Variants in CFAP54 observed in about 807,000 individuals in gnomAD.
The protein encoded by CFAP54 is cilia- and flagella-associated protein 54.
Under a neutral mutation model 370.4 loss-of-function variants are expected in CFAP54, and 290 were observed. The ratio of observed to expected loss-of-function variants is 0.78; its 90% CI spans 0.71 to 0.86. The LOEUF (loss-of-function observed/expected upper bound fraction) is 0.86, where lower values mean the gene tolerates loss of function less well. CFAP54 is among the 40% of genes least tolerant of loss of function. The pLI is 0.00. For missense variants in CFAP54, 3,399 were observed against 3,528.7 expected (o/e 0.96, Z 0.93); for synonymous variants, 1,206 against 1,236.5 (o/e 0.98, Z 0.52).
At chr12:96,704,309 C>T (rs1445404826) in intron 46 of CFAP54, among the ~76,000 whole-genome samples, 12 of 150,388 alleles carry the variant, frequency 8.0e-5, no homozygotes, top group African/African-American at 2.2e-4. Context: ...CACCTGTAGT[C>T]CCAGCTACTT....
chr12:96,519,198 A>G, intron 6 of CFAP54, 127 bp downstream of exon 6: 1 of 888,808 alleles, frequency 1.1e-6, no homozygotes, highest in Non-Finnish European at 1.6e-6. Flanking sequence ...TCCCAGGTTC[A>G]AGCGATTCTC....
chr12:96,505,208 C>A (rs371706130), intron 3 of CFAP54, among the ~76,000 whole-genome samples: 3 of 151,334 alleles, frequency 2.0e-5, no homozygotes, highest in Non-Finnish European at 4.4e-5. Flanking sequence ...GGATTACAGG[C>A]GCATACCACC....
chr12:96,640,661 C>T (rs1956716283), intron 32 of CFAP54, among the ~76,000 whole-genome samples: 1 of 152,180 alleles, frequency 6.6e-6, no homozygotes, highest in African/African-American at 2.4e-5. Context: ...CATCACTCTA[C>T]CTGACTTCAA....
intron 45 of CFAP54, among the ~76,000 whole-genome samples, chr12:96,697,178 G>A (rs1957446376): frequency 6.6e-6 from 1 of 152,100 alleles, no homozygotes. Context: ...TGCAGTGTTG[G>A]TCACCTCTGA....
intron 50 of CFAP54, among the ~76,000 whole-genome samples, chr12:96,733,388 T>TTATGTGTCAAGGAAATTGAAATGTG (rs1213807796): frequency 6.6e-6 from 1 of 152,168 alleles, no homozygotes; most frequent in African/African-American, 2.4e-5. Context: ...GAAAGGCACA[T>TTATGTGTCAAGGAAATTGAAATGTG]TCCCTAGGGT....
intron 56 of CFAP54, among the ~76,000 whole-genome samples, chr12:96,755,958 G>A (rs1052278919): frequency 6.6e-6 from 1 of 152,048 alleles, no homozygotes. Flanking sequence ...GAGCCACCAC[G>A]GCCAGCCATA....
At chr12:96,821,484 C>G (rs113515204) in intron 65 of CFAP54, among the ~76,000 whole-genome samples, 2 of 152,000 alleles carry the variant, frequency 1.3e-5, no homozygotes, top group Non-Finnish European at 2.9e-5. Context: ...TTGTTTTATT[C>G]TCCAACCTAG....
chr12:96,717,959 A>G (rs1957704163), intron 48 of CFAP54, among the ~76,000 whole-genome samples: 1 of 152,238 alleles, frequency 6.6e-6, no homozygotes, highest in African/African-American at 2.4e-5. Context: ...TATTTGATAC[A>G]GGAATATGTT....
rs1957573999 is a variant in CFAP54, at chr12:96,708,758, A to G, written c.6679A>G (p.Thr2227Ala). The G allele has an allele frequency of 4.3e-6, 7 of 1,610,540 alleles. No homozygotes were observed. The highest frequency in any genetic ancestry group is 5.1e-6 in the Non-Finnish European group (6 of 1,178,752). ...INCVPENKFK[T>A]VITNKSKPNL... ...TTGTGTCCCAGAAAATAAATTTAAG[A>G]CAGTAATTACCAACAAGAGCAAACC... The change falls in exon 48 of 68, where the codon ACA becomes GCA. Residue 2227 changes from threonine (T) to alanine (A), a missense_variant. Physicochemically the swap from Thr to Ala is moderately conservative, Grantham distance 58. Coordinates refer to ENST00000524981, the MANE Select transcript of CFAP54 (RefSeq NM_001306084.2).
At chr12:96,688,116 GA>G (rs1397648359) in intron 42 of CFAP54, among the ~76,000 whole-genome samples, 2 of 152,234 alleles carry the variant, frequency 1.3e-5, no homozygotes, top group East Asian at 3.9e-4. Flanking sequence ...TTAATGTAGT[GA>G]ACCTGACTGG....
chr12:96,572,903 T>A, intron 19 of CFAP54: 6 of 985,384 alleles, frequency 6.1e-6, no homozygotes, highest in Non-Finnish European at 7.2e-6. Context: ...TTTACCTCAG[T>A]TGGATTCATT....
At chr12:96,785,010 A>T in intron 61 of CFAP54, 120 bp downstream of exon 61, 1 of 813,216 alleles carries the variant, frequency 1.2e-6, no homozygotes, top group Non-Finnish European at 1.7e-6. Flanking sequence ...TCATCAGAAG[A>T]TGAAAATTTC....
chr12:96,670,491 A>G (rs948978780), intron 39 of CFAP54, among the ~76,000 whole-genome samples: 5 of 152,222 alleles, frequency 3.3e-5, no homozygotes, highest in Admixed American at 1.3e-4. Flanking sequence ...TTGACATTTC[A>G]TTGACCACAG....
At chr12:96,562,023 T>A (rs1236929084) in intron 17 of CFAP54, among the ~76,000 whole-genome samples, 1 of 151,958 alleles carries the variant, frequency 6.6e-6, no homozygotes, top group African/African-American at 2.4e-5. Context: ...TGACCTCAAG[T>A]GATCTGCCTG....
intron 39 of CFAP54, among the ~76,000 whole-genome samples, chr12:96,669,252 A>C (rs1357586424): frequency 6.6e-6 from 1 of 152,250 alleles, no homozygotes; most frequent in African/African-American, 2.4e-5. Context: ...ATAGAGATCT[A>C]GTTTTATCTG....
chr12:96,695,438 A>G (rs562122888), intron 45 of CFAP54, among the ~76,000 whole-genome samples: 4 of 152,328 alleles, frequency 2.6e-5, no homozygotes, highest in Non-Finnish European at 4.4e-5. Flanking sequence ...TAATAATTTT[A>G]ACCTGGGAAT....
chr12:96,859,428 T>G (rs1438540322), intron 66 of CFAP54, among the ~76,000 whole-genome samples: 1 of 152,062 alleles, frequency 6.6e-6, no homozygotes, highest in African/African-American at 2.4e-5. Flanking sequence ...TTTGTTTTTT[T>G]TTTGAGATGG....
chr12:96,837,407 A>G (rs932501642), intron 66 of CFAP54, among the ~76,000 whole-genome samples: 3 of 152,154 alleles, frequency 2.0e-5, no homozygotes, highest in African/African-American at 4.8e-5. Context: ...GTCTATTTCA[A>G]CCTAACTCAA....
At chr12:96,837,115 C>A (rs1259136078) in intron 66 of CFAP54, among the ~76,000 whole-genome samples, 1 of 152,140 alleles carries the variant, frequency 6.6e-6, no homozygotes, top group Non-Finnish European at 1.5e-5. Context: ...AGCCACTGTG[C>A]CAGCCCAAAA....
Sources: gnomAD v4.1 joint callset for allele counts (sites outside exome capture counted in the v4.1 genomes callset) on GRCh38, gnomAD v4.1.1 for gene constraint, MANE v1.5 for transcripts, NCBI Gene and HGNC (gene_info 2026-07-23, HGNC 2026-07-21) for gene names.